DNMBP: variants seen among roughly 807,000 people sequenced by gnomAD.
The protein encoded by DNMBP is dynamin binding protein.
DNMBP carries 87 observed loss-of-function variants against 150.0 expected under a neutral mutation model. The ratio of observed to expected loss-of-function variants is 0.58; its 90% confidence interval spans 0.49 to 0.69. DNMBP has a LOEUF of 0.69. Among genes scored for constraint, DNMBP ranks in the 30% least tolerant of loss-of-function variants. DNMBP has a pLI of 0.00. For synonymous variants in DNMBP, 711 were observed against 750.4 expected (o/e 0.95, Z 0.86); for missense variants, 1,774 against 1,949.0 (o/e 0.91, Z 1.69).
chr10:99,922,482 C>T (rs956415764), intron 4 of DNMBP, among the ~76,000 whole-genome samples: 22 of 138,042 alleles, frequency 1.6e-4, no homozygotes, highest in African/African-American at 5.7e-4. Flanking sequence ...GGGAAGAAAA[C>T]ACATAACCTA....
At chr10:99,980,849 G>A (rs1193863177) in intron 1 of DNMBP, among the ~76,000 whole-genome samples, 2 of 151,982 alleles carry the variant, frequency 1.3e-5, no homozygotes, top group Non-Finnish European at 1.5e-5. Flanking sequence ...GACACAAAAG[G>A]ACAAATACTG....
chr10:99,997,920 T>A, intron 1 of DNMBP, among the ~76,000 whole-genome samples: 1 of 89,704 alleles, frequency 1.1e-5, no homozygotes, highest in Non-Finnish European at 2.0e-5. Flanking sequence ...AGAATGAGAC[T>A]CTGTCTCAAA....
chr10:99,974,131 A>T (rs558209873), intron 1 of DNMBP, among the ~76,000 whole-genome samples: 2 of 150,240 alleles, frequency 1.3e-5, no homozygotes, highest in South Asian at 2.1e-4. Context: ...TCTATTTTAT[A>T]AAAAAAAAAG....
At chr10:99,921,073 G>T (rs1218735797) in intron 4 of DNMBP, among the ~76,000 whole-genome samples, 1 of 152,160 alleles carries the variant, frequency 6.6e-6, no homozygotes, top group African/African-American at 2.4e-5. Flanking sequence ...CTTACTATGG[G>T]AGGCCTCTTT....
intron 3 of DNMBP, among the ~76,000 whole-genome samples, chr10:99,959,837 AGAGT>A (rs2040543405): frequency 6.7e-6 from 1 of 149,250 alleles, no homozygotes; most frequent in Non-Finnish European, 1.5e-5. Context: ...CCCGGGCAAC[AGAGT>A]GAGACCGTGT....
At chr10:99,998,668 G>A (rs2040979478) in intron 1 of DNMBP, among the ~76,000 whole-genome samples, 1 of 151,812 alleles carries the variant, frequency 6.6e-6, no homozygotes, top group African/African-American at 2.4e-5. Context: ...AATTGTTTAA[G>A]GAAAAATGAG....
intron 9 of DNMBP, 85 bp from the exon 10 acceptor site, chr10:99,896,482 A>G (rs1423852014): frequency 1.5e-6 from 2 of 1,336,570 alleles, no homozygotes; most frequent in African/African-American, 2.9e-5. Flanking sequence ...CCCAAACGGG[A>G]GCTAGTCCTT....
At chr10:99,891,927 GC>G (rs573854726) in intron 11 of DNMBP, among the ~76,000 whole-genome samples, 3 of 142,670 alleles carry the variant, frequency 2.1e-5, no homozygotes, top group Non-Finnish European at 3.0e-5. Flanking sequence ...GGGGGGGTCA[GC>G]CCCCTGCCCG....
intron 1 of DNMBP, among the ~76,000 whole-genome samples, chr10:99,973,914 G>A (rs752105424): frequency 9.2e-5 from 14 of 152,168 alleles, no homozygotes; most frequent in Non-Finnish European, 1.8e-4. Context: ...CTGGGAGGCC[G>A]AGGTTGCAGT....
chr10:99,906,511 A>T (rs2039826714), intron 6 of DNMBP, among the ~76,000 whole-genome samples: 1 of 152,158 alleles, frequency 6.6e-6, no homozygotes, highest in Non-Finnish European at 1.5e-5. Flanking sequence ...ATGCTGTGTC[A>T]TGTTCAAGAT....
At chr10:100,002,045 C>T (rs2041019190) in intron 1 of DNMBP, among the ~76,000 whole-genome samples, 1 of 152,098 alleles carries the variant, frequency 6.6e-6, no homozygotes, top group Non-Finnish European at 1.5e-5. Context: ...ATCGATTTTT[C>T]CCCAGAGAGC....
chr10:99,941,759 C>A (rs552221169), intron 4 of DNMBP, among the ~76,000 whole-genome samples: 8 of 152,172 alleles, frequency 5.3e-5, no homozygotes, highest in African/African-American at 1.9e-4. Context: ...TGAGCCACCA[C>A]GCCTGGCCTC....
intron 7 of DNMBP, 88 bp from the exon 8 acceptor site, chr10:99,898,848 G>T: frequency 7.9e-7 from 1 of 1,272,444 alleles, no homozygotes; most frequent in Non-Finnish European, 1.1e-6. Context: ...CATAAATCAT[G>T]TGGGACAAAA....
chr10:99,899,808 T>C (rs2039712449), intron 7 of DNMBP, 111 bp downstream of exon 7: 3 of 1,197,900 alleles, frequency 2.5e-6, no homozygotes, highest in African/African-American at 3.0e-5. Flanking sequence ...ATATATATCA[T>C]GGATATCTTA....
At chr10:99,898,362 C>T (rs777811514) in intron 8 of DNMBP, 77 bp from the exon 9 acceptor site, 4 of 1,311,244 alleles carry the variant, frequency 3.1e-6, no homozygotes, top group Non-Finnish European at 4.4e-6. Flanking sequence ...TGAGACCCCA[C>T]CTTAAAAAAA....
At position 100,004,364 on chromosome 10, in the gene DNMBP, C is replaced by G. The variant is rs111542426; in HGVS notation, c.-11+5474G>C. Among the ~76,000 whole-genome samples the G allele has an allele frequency of 5.0e-3, 753 of 151,926 alleles. 4 individuals are homozygous for G. The highest frequency in any genetic ancestry group is 7.4e-3 in the Non-Finnish European group (505 of 67,970). ...TTTGGTCCAGGAAGAGCTAAATAAA[C>G]TTTAAGATGAATGGCTTGCTGTGCC... On this transcript the variant is annotated intron_variant, in intron 1 of 16. Transcript: ENST00000324109.
rs780411750 is a variant in DNMBP, at chr10:99,886,366, G to A, written c.3552C>T (p.His1184=). ...AGTCACAGTGGGCTTCAGCATAGCC[G>A]TGGACACAGTTGGTGAAGAGGCCCT... ...YAQGLFTNCV[H]GYAEAHCDFV... The change falls in exon 13 of 17, where the codon CAC becomes CAT. Residue 1184 remains histidine (H), a synonymous_variant. Transcript: ENST00000324109. The A allele has an allele frequency of 1.9e-5, 30 of 1,614,060 alleles. No homozygotes were observed. Among genetic ancestry groups the A allele is most frequent in the Admixed American group, 3.3e-5 (2 of 59,990 alleles).
chr10:99,878,309 A>T (rs1412901001), intron 16 of DNMBP, among the ~76,000 whole-genome samples: 1 of 152,220 alleles, frequency 6.6e-6, no homozygotes, highest in Non-Finnish European at 1.5e-5. Flanking sequence ...AGGAGAAGCC[A>T]TGAGGCCCAT....
intron 9 of DNMBP, among the ~76,000 whole-genome samples, chr10:99,897,150 T>TA (rs1401793923): frequency 1.3e-5 from 2 of 152,226 alleles, no homozygotes; most frequent in Non-Finnish European, 2.9e-5. Context: ...TATATCTTGA[T>TA]ATGAATAATA....
Sources: gnomAD v4.1 joint callset for allele counts (sites outside exome capture counted in the v4.1 genomes callset) on GRCh38, gnomAD v4.1.1 for gene constraint, MANE v1.5 for transcripts, NCBI Gene and HGNC (gene_info 2026-07-23, HGNC 2026-07-21) for gene names.